The following NOVA1 variants were observed in gnomAD, a reference collection of about 807,000 sequenced individuals.
NOVA1 encodes NOVA alternative splicing regulator 1, also known as RNA-binding protein Nova-1.
Under a neutral mutation model 38.0 loss-of-function variants are expected in NOVA1, and 7 were observed. The observed-to-expected ratio is 0.18, with a 90% CI of 0.10 to 0.35. The LOEUF (loss-of-function observed/expected upper bound fraction) is 0.35, where lower values mean the gene tolerates loss of function less well. Among genes scored for constraint, NOVA1 ranks in the 10% least tolerant of loss-of-function variants. The pLI is 1.00. For missense variants in NOVA1, 460 were observed against 616.0 expected, an observed-to-expected ratio of 0.75 and a Z score of 2.68; for synonymous variants, 270 against 232.5, an observed-to-expected ratio of 1.16 and a Z score of -1.47.
chr14:26,574,371 A>G (rs1892699492), intron 2 of NOVA1, among the ~76,000 whole-genome samples: 1 of 151,142 alleles, frequency 6.6e-6, no homozygotes, highest in Non-Finnish European at 1.5e-5. Flanking sequence ...TCAGAAATAG[A>G]AACGAGTATC....
chr14:26,449,584 T>A (rs1468912446), intron 4 of NOVA1, among the ~76,000 whole-genome samples: 1 of 152,156 alleles, frequency 6.6e-6, no homozygotes, highest in Non-Finnish European at 1.5e-5. Context: ...ATATGAAATA[T>A]AACTTCATAA....
chr14:26,496,611 C>T (rs1048447759), intron 2 of NOVA1, among the ~76,000 whole-genome samples: 1 of 152,070 alleles, frequency 6.6e-6, no homozygotes, highest in African/African-American at 2.4e-5. Context: ...TTCTTCCAGG[C>T]TGTTTATGGT....
At chr14:26,566,561 T>C (rs1319042552) in intron 2 of NOVA1, among the ~76,000 whole-genome samples, 1 of 152,136 alleles carries the variant, frequency 6.6e-6, no homozygotes, top group African/African-American at 2.4e-5. Context: ...TTATTATCAT[T>C]ATTACTATTT....
chr14:26,485,170 C>T (rs972870567), intron 2 of NOVA1, among the ~76,000 whole-genome samples: 2 of 152,034 alleles, frequency 1.3e-5, no homozygotes, highest in African/African-American at 4.8e-5. Flanking sequence ...CAGAAGAGTG[C>T]CTGGCACACT....
intron 4 of NOVA1, among the ~76,000 whole-genome samples, chr14:26,450,324 GA>G (rs1882553421): frequency 6.6e-6 from 1 of 151,892 alleles, no homozygotes; most frequent in Non-Finnish European, 1.5e-5. Flanking sequence ...AGCAAGCAGA[GA>G]AAGTATAAAT....
chr14:26,462,419 C>A (rs550877457), intron 4 of NOVA1, among the ~76,000 whole-genome samples: 16 of 152,004 alleles, frequency 1.1e-4, no homozygotes, highest in Non-Finnish European at 1.8e-4. Flanking sequence ...CTAATGTGCT[C>A]TTATCATGTG....
chr14:26,572,793 A>C (rs1332096411), intron 2 of NOVA1, among the ~76,000 whole-genome samples: 1 of 148,632 alleles, frequency 6.7e-6, no homozygotes, highest in African/African-American at 2.4e-5. Context: ...TAAAAAAATA[A>C]TACAGATACA....
At position 26,447,664 on chromosome 14, in the gene NOVA1, A is replaced by G. The variant is rs1882186514; in HGVS notation, c.*295T>C. On this transcript the variant is annotated 3_prime_UTR_variant, in exon 5 of 5. Transcript: ENST00000539517. Reference sequence around the variant, plus strand: ...CGCATATCCCTGTCTACATTCAATCATTAAACTACAATAATGCTGGTAAAA... The same window carrying G: ...CGCATATCCCTGTCTACATTCAATCGTTAAACTACAATAATGCTGGTAAAA... The G allele has an allele frequency of 4.9e-6, 2 of 407,474 alleles. No individual in the cohort carries two copies. The highest frequency in any genetic ancestry group is 3.1e-5 in the South Asian group (1 of 32,730). The allele number at this position is 407,474 out of a possible 1,614,324, so 25.2% of individuals were successfully genotyped here.
intron 2 of NOVA1, among the ~76,000 whole-genome samples, chr14:26,560,595 A>G (rs907214686): frequency 6.6e-6 from 1 of 152,176 alleles, no homozygotes; most frequent in Non-Finnish European, 1.5e-5. Flanking sequence ...CTAACGTGGT[A>G]GTTGTAAGGA....
At chr14:26,579,410 A>G (rs1893074376) in intron 2 of NOVA1, among the ~76,000 whole-genome samples, 1 of 152,162 alleles carries the variant, frequency 6.6e-6, no homozygotes, top group African/African-American at 2.4e-5. Context: ...CTGAATTTAC[A>G]CTATTACAAA....
intron 4 of NOVA1, among the ~76,000 whole-genome samples, chr14:26,452,216 T>C (rs1478180320): frequency 6.6e-6 from 1 of 152,176 alleles, no homozygotes; most frequent in Non-Finnish European, 1.5e-5. Flanking sequence ...AATTAAAAAA[T>C]ATATCCATAC....
intron 2 of NOVA1, among the ~76,000 whole-genome samples, chr14:26,493,211 T>C (rs936840794): frequency 6.6e-6 from 1 of 152,154 alleles, no homozygotes; most frequent in Non-Finnish European, 1.5e-5. Flanking sequence ...AATAGTGACA[T>C]GTGAAAATAG....
At chr14:26,573,579 T>TA (rs1594560967) in intron 2 of NOVA1, among the ~76,000 whole-genome samples, 2 of 152,156 alleles carry the variant, frequency 1.3e-5, no homozygotes, top group African/African-American at 4.8e-5. Context: ...AAATGATTCC[T>TA]AAAAAGAATA....
chr14:26,513,878 A>G (rs2138467783), intron 2 of NOVA1, among the ~76,000 whole-genome samples: 1 of 151,802 alleles, frequency 6.6e-6, no homozygotes, highest in African/African-American at 2.4e-5. Flanking sequence ...TTATACTTTA[A>G]AAATACACAA....
In NOVA1 at chr14:26,529,843, C is replaced by A. The variant is rs902009010; in HGVS notation, c.281-49700G>T. Among the ~76,000 whole-genome samples, 3 of 152,122 alleles carry A rather than the reference C, an allele frequency of 2.0e-5. No individual in the cohort carries two copies. In the South Asian group the frequency reaches 6.2e-4, roughly 32 times the overall value. On this transcript the variant is annotated intron_variant, in intron 2 of 4. Transcript: ENST00000539517. ...CTTTTGTTTTTCATGTTGTCCTTTT[C>A]CTGTATGTGATGAGGACCTGGAGAT...
chr14:26,590,572 A>C (rs961906368), intron 2 of NOVA1, among the ~76,000 whole-genome samples: 1 of 151,850 alleles, frequency 6.6e-6, no homozygotes, highest in East Asian at 1.9e-4. Flanking sequence ...AAAAACTCCC[A>C]AACAATACAA....
intron 2 of NOVA1, among the ~76,000 whole-genome samples, chr14:26,525,852 A>G (rs1889256649): frequency 6.6e-6 from 1 of 152,042 alleles, no homozygotes; most frequent in African/African-American, 2.4e-5. Context: ...AAAAATTAAT[A>G]TATTTGTCTT....
intron 2 of NOVA1, among the ~76,000 whole-genome samples, chr14:26,595,177 G>A (rs184436706): frequency 2.0e-5 from 3 of 152,084 alleles, no homozygotes; most frequent in African/African-American, 7.2e-5. Context: ...AGAAATACCC[G>A]AATCATCTTG....
At chr14:26,543,603 G>GA (rs1004932507) in intron 2 of NOVA1, among the ~76,000 whole-genome samples, 2 of 151,738 alleles carry the variant, frequency 1.3e-5, no homozygotes, top group African/African-American at 4.8e-5. Context: ...AATACCGAAG[G>GA]AAAAAAAGGT....
Sources: gnomAD v4.1 joint callset for allele counts (sites outside exome capture counted in the v4.1 genomes callset) on GRCh38, gnomAD v4.1.1 for gene constraint, MANE v1.5 for transcripts, NCBI Gene and HGNC (gene_info 2026-07-23, HGNC 2026-07-21) for gene names.